The following SPMIP2 variants were observed in gnomAD, a reference collection of about 807,000 sequenced individuals.
The protein encoded by SPMIP2 is protein SPMIP2.
the SPMIP2 span, among the ~76,000 whole-genome samples, chr4:158,954,990 A>G: frequency 1.3e-5 from 2 of 152,206 alleles, no homozygotes; most frequent in African/African-American, 4.8e-5. Context: ...TACTGTAGGT[A>G]TACATAAGGA....
At chr4:158,910,366 C>T in the SPMIP2 span, among the ~76,000 whole-genome samples, 1 of 151,796 alleles carries the variant, frequency 6.6e-6, no homozygotes, top group Non-Finnish European at 1.5e-5. Flanking sequence ...CTCTGCCTCC[C>T]GGGTTCAGGC....
the SPMIP2 span, among the ~76,000 whole-genome samples, chr4:159,048,731 C>CTTTTTTTT: frequency 3.6e-5 from 4 of 111,482 alleles, no homozygotes; most frequent in Non-Finnish European, 5.4e-5. Context: ...TCCCCTTCCA[C>CTTTTTTTT]TTTTTTTTTT....
the SPMIP2 span, among the ~76,000 whole-genome samples, chr4:158,980,514 C>T: frequency 6.6e-6 from 1 of 152,228 alleles, no homozygotes; most frequent in Non-Finnish European, 1.5e-5. Flanking sequence ...AAGGAACAGG[C>T]AGCAATCTTT....
chr4:158,916,841 A>C, the SPMIP2 span, among the ~76,000 whole-genome samples: 3 of 152,102 alleles, frequency 2.0e-5, no homozygotes. Context: ...ATAGGGTTTC[A>C]CCATGTCGAC....
At chr4:158,925,352 T>A in the SPMIP2 span, among the ~76,000 whole-genome samples, 1,179 of 152,340 alleles carry the variant, frequency 7.7e-3, 12 homozygotes, top group African/African-American at 0.026. Flanking sequence ...TTATAATAAT[T>A]CTTATTTCTA....
the SPMIP2 span, among the ~76,000 whole-genome samples, chr4:158,910,134 G>C: frequency 6.6e-6 from 1 of 152,186 alleles, no homozygotes; most frequent in East Asian, 1.9e-4. Flanking sequence ...TCCTGCCTCA[G>C]CTTCCCAAAC....
chr4:158,981,295 CA>C, the SPMIP2 span, among the ~76,000 whole-genome samples: 1 of 152,104 alleles, frequency 6.6e-6, no homozygotes, highest in African/African-American at 2.4e-5. Context: ...GGATATTACC[CA>C]AACGAACTTC....
the SPMIP2 span, chr4:158,896,001 C>T: frequency 1.8e-5 from 11 of 627,856 alleles, no homozygotes; most frequent in Admixed American, 1.0e-4. Flanking sequence ...CCATCAGATA[C>T]GTGCCTCTGC....
chr4:159,041,890 G>A, the SPMIP2 span, among the ~76,000 whole-genome samples: 7 of 152,130 alleles, frequency 4.6e-5, no homozygotes, highest in African/African-American at 1.7e-4. Flanking sequence ...TCACGAAGAG[G>A]TGAGTTCTAC....
chr4:159,043,416 G>A, the SPMIP2 span, among the ~76,000 whole-genome samples: 1 of 151,904 alleles, frequency 6.6e-6, no homozygotes, highest in African/African-American at 2.4e-5. Flanking sequence ...GCGCGATCTC[G>A]GCTCACTGCA....
At chr4:158,957,319 C>T in the SPMIP2 span, among the ~76,000 whole-genome samples, 7 of 152,202 alleles carry the variant, frequency 4.6e-5, no homozygotes, top group Non-Finnish European at 7.4e-5. Flanking sequence ...CTACTCTCCC[C>T]ATTGCTTTCT....
the SPMIP2 span, among the ~76,000 whole-genome samples, chr4:158,940,778 G>A: frequency 1.3e-5 from 2 of 152,156 alleles, no homozygotes; most frequent in African/African-American, 4.8e-5. Context: ...GGATACATAT[G>A]TGGATATGTA....
the SPMIP2 span, among the ~76,000 whole-genome samples, chr4:159,023,653 G>T: frequency 6.6e-6 from 1 of 152,316 alleles, no homozygotes; most frequent in Admixed American, 6.5e-5. Context: ...ATCACAGACA[G>T]AATGTTCACA....
At chr4:158,894,018 A>G in the SPMIP2 span, among the ~76,000 whole-genome samples, 5 of 152,314 alleles carry the variant, frequency 3.3e-5, no homozygotes, top group Non-Finnish European at 4.4e-5. Flanking sequence ...TGGCTTTTAG[A>G]ACCTTCAATA....
chr4:158,980,546 G>A, the SPMIP2 span, among the ~76,000 whole-genome samples: 1 of 152,206 alleles, frequency 6.6e-6, no homozygotes, highest in Non-Finnish European at 1.5e-5. Context: ...GCCTTCGCTG[G>A]TGATATCCAG....
chr4:159,022,139 G>C, the SPMIP2 span, among the ~76,000 whole-genome samples: 3 of 152,164 alleles, frequency 2.0e-5, no homozygotes, highest in Admixed American at 6.5e-5. Flanking sequence ...AAAAGAAAGA[G>C]ATGTGGGAGG....
At chr4:158,930,507 CTT>C in the SPMIP2 span, among the ~76,000 whole-genome samples, 205 of 144,642 alleles carry the variant, frequency 1.4e-3, no homozygotes, top group South Asian at 7.6e-3. Context: ...TAATGCCTGG[CTT>C]TTTTTTTTTT....
chr4:158,894,193 CAG>C, the SPMIP2 span, among the ~76,000 whole-genome samples: 29 of 128,410 alleles, frequency 2.3e-4, no homozygotes, highest in Non-Finnish European at 4.2e-4. Context: ...TTTTTTGAGA[CAG>C]AGTTTCATTT....
the SPMIP2 span, chr4:158,906,057 A>G: frequency 6.6e-6 from 1 of 152,236 alleles, no homozygotes; most frequent in Non-Finnish European, 1.5e-5. Context: ...CAAAATGTAG[A>G]TGAGTGCATT....
Sources: gnomAD v4.1 joint callset for allele counts (sites outside exome capture counted in the v4.1 genomes callset) on GRCh38, gnomAD v4.1.1 for gene constraint, MANE v1.5 for transcripts, NCBI Gene and HGNC (gene_info 2026-07-23, HGNC 2026-07-21) for gene names.